Variants in CPNE9 observed in about 807,000 individuals in gnomAD.
The protein encoded by CPNE9 is copine-9.
CPNE9 carries 59 observed loss-of-function variants against 83.0 expected under a neutral mutation model. That is an observed-to-expected ratio of 0.71 (90% CI 0.58 to 0.88). CPNE9 has a LOEUF of 0.88. Among genes scored for constraint, CPNE9 ranks in the 40% least tolerant of loss-of-function variants. The probability of loss-of-function intolerance (pLI) is 0.00; values close to 1 mark genes in which losing one functional copy is unlikely to be tolerated. For missense variants in CPNE9, 619 were observed against 720.8 expected (o/e 0.86, Z 1.62); for synonymous variants, 256 against 273.4 (o/e 0.94, Z 0.63).
chr3:9,704,513 G>A lies in CPNE9; in HGVS notation c.69-74G>A, dbSNP rs2076540179. 2.3e-6 allele frequency: 3 copies of A among 1,320,716 alleles called. No individual in the cohort carries two copies. The highest frequency in any genetic ancestry group is 1.1e-6 in the Non-Finnish European group (1 of 912,264). The allele number at this position is 1,320,716 out of a possible 1,614,324, so 81.8% of individuals were successfully genotyped here. On this transcript the variant is annotated intron_variant, in intron 1 of 20. Transcript: ENST00000383832. This position sits in a 1 kb window ranked among gnomAD's most constrained non-coding sequence, Gnocchi z 7.1. ...TGCGGGCCCCATGCCTCTCCTCAGT[G>A]CCCGGCTCAGAGCCGACTCGAGGCG... is the stretch of plus-strand genomic sequence containing the variant.
At chr3:9,727,439 CA>C in intron 20 of CPNE9, 1 of 717,404 alleles carries the variant, frequency 1.4e-6, no homozygotes, top group Non-Finnish European at 2.6e-6. Flanking sequence ...AATAAATAAT[CA>C]CACAAAGAAA....
intron 17 of CPNE9, among the ~76,000 whole-genome samples, chr3:9,723,281 G>C (rs2076749713): frequency 2.6e-5 from 4 of 152,102 alleles, no homozygotes; most frequent in Admixed American, 1.3e-4. Flanking sequence ...AGACCAGCAT[G>C]GACAACATGG....
chr3:9,720,839 G>A (rs766133430), intron 17 of CPNE9, among the ~76,000 whole-genome samples: 17 of 152,124 alleles, frequency 1.1e-4, no homozygotes, highest in Non-Finnish European at 2.1e-4. Context: ...TGTGGTGTCC[G>A]GAGCCAGACT....
chr3:9,729,624 A>C lies in CPNE9; in HGVS notation c.1594A>C (p.Arg532=). The change falls in exon 21 of 21, where the codon AGA becomes CGA. Residue 532 remains arginine (R), a synonymous_variant. Transcript: ENST00000383832. The stretch of plus-strand genomic sequence containing the variant: ...GCAGCTGCTGTCCTATATGCGCACC[A>C]GAGACATCCAGCCTCGGCCCCCACC... ...PEQLLSYMRT[R]DIQPRPPPPA... is the part of the protein sequence containing the mutation. 6.2e-7 allele frequency: 1 copy of C among 1,614,086 alleles called. No individual in the cohort carries two copies. The highest frequency in any genetic ancestry group is 8.5e-7 in the Non-Finnish European group (1 of 1,180,014).
rs112456490 is a variant in CPNE9, at chr3:9,709,619, T to C, written c.378-2922T>C. On this transcript the variant is annotated intron_variant, in intron 7 of 20. Coordinates refer to ENST00000383832, the MANE Select transcript of CPNE9 (RefSeq NM_153635.3). Reference sequence around the variant, plus strand: ...GCCTTACCTCGTGATCCACCCACCTTGGCCTCCCAAAGTGCTGGGATTACA... The same window carrying C: ...GCCTTACCTCGTGATCCACCCACCTCGGCCTCCCAAAGTGCTGGGATTACA... Among the ~76,000 whole-genome samples the C allele has an allele frequency of 2.5e-4, 37 of 150,988 alleles. 1 individual carries two copies. Among genetic ancestry groups the C allele is most frequent in the Middle Eastern group, 3.4e-3 (1 of 294 alleles).
chr3:9,705,323 C>A, intron 4 of CPNE9, 141 bp from the exon 5 acceptor site: 1 of 704,270 alleles, frequency 1.4e-6, no homozygotes, highest in South Asian at 1.8e-5. Flanking sequence ...TGACTCCTCC[C>A]CAAAAGGAGA....
In CPNE9 at chr3:9,704,824, G is replaced by A; in HGVS notation, c.156+29G>A. The A allele has an allele frequency of 6.2e-7, 1 of 1,600,934 alleles. No homozygotes were observed. The highest frequency in any genetic ancestry group is 8.5e-7 in the Non-Finnish European group (1 of 1,173,972). ...AGTCCCAGAGCCCCCTCCCGGCCCA[G>A]GGCGTCGCCCGGGAATTCCCCTGCC... On this transcript the variant is annotated intron_variant, in intron 3 of 20. Coordinates refer to ENST00000383832, the MANE Select transcript of CPNE9 (RefSeq NM_153635.3). The surrounding 1 kb of genome is among the most constrained non-coding windows in gnomAD (Gnocchi z 7.1).
At chr3:9,720,362 G>A (rs564136980) in intron 17 of CPNE9, among the ~76,000 whole-genome samples, 4 of 152,006 alleles carry the variant, frequency 2.6e-5, no homozygotes, top group South Asian at 2.1e-4. Context: ...TTCCCCTAGC[G>A]AAGATTTGTT....
chr3:9,704,696 G>C lies in CPNE9; in HGVS notation c.110-53G>C. ...GCGACTCAGGGGCGGGTGGAGTCGG[G>C]GCCAGGGGTGGGAGCCGACCTGACG... is the stretch of plus-strand genomic sequence containing the variant. On this transcript the variant is annotated intron_variant, in intron 2 of 20. Coordinates refer to ENST00000383832, the MANE Select transcript of CPNE9 (RefSeq NM_153635.3). This position sits in a 1 kb window ranked among gnomAD's most constrained non-coding sequence, Gnocchi z 7.1. The C allele has an allele frequency of 6.2e-7, 1 of 1,610,484 alleles. No homozygotes were observed. The highest frequency in any genetic ancestry group is 8.5e-7 in the Non-Finnish European group (1 of 1,177,216).
intron 10 of CPNE9, 86 bp downstream of exon 10, chr3:9,713,165 T>G (rs2076646863): frequency 7.6e-6 from 8 of 1,049,042 alleles, no homozygotes; most frequent in Non-Finnish European, 1.1e-5. Flanking sequence ...AGAAGTATCA[T>G]AATAGCGTTG....
In CPNE9 at chr3:9,704,985, G is replaced by C; in HGVS notation, c.251G>C (p.Arg84Pro). Residue 84 changes from arginine (R) to proline (P), a missense_variant, in exon 4 of 21, where the codon CGC becomes CCC. Around this residue, in one of 3 missense-constraint regions of CPNE9, gnomAD observed 130 missense variants for 117.5 expected, o/e 1.11. Coordinates refer to ENST00000383832, the MANE Select transcript of CPNE9 (RefSeq NM_153635.3). This position sits in a 1 kb window ranked among gnomAD's most constrained non-coding sequence, Gnocchi z 7.1. ...DYFFEEKQNLRFDVYNVDSKT... is the reference protein window; with the variant it reads ...DYFFEEKQNLPFDVYNVDSKT... Reference sequence around the variant, plus strand: ...TTCTTTGAGGAAAAGCAAAATCTGCGCTTCGATGTGTGAGGCCCCGCCTGG... The same window carrying C: ...TTCTTTGAGGAAAAGCAAAATCTGCCCTTCGATGTGTGAGGCCCCGCCTGG... The C allele has an allele frequency of 6.2e-7, 1 of 1,609,498 alleles. No homozygotes were observed. Among genetic ancestry groups the C allele is most frequent in the Non-Finnish European group, 8.5e-7 (1 of 1,178,020 alleles).
rs111336803 is a variant in CPNE9 at position 9,716,474 on chromosome 3, A to ATT, written c.884+451_884+452dup. On this transcript the variant is annotated intron_variant, in intron 14 of 20. Transcript: ENST00000383832. ...CACTTTTCTCCTATGTAAAATGAGG[A>ATT]TTTTTTTTTTTTTGAGATGGCGTTT... Among the ~76,000 whole-genome samples the ATT allele has an allele frequency of 5.9e-4, 87 of 147,712 alleles. 1 individual carries two copies. Among genetic ancestry groups the ATT allele is most frequent in the Admixed American group, 8.1e-4 (12 of 14,832 alleles).
chr3:9,716,930 G>A (rs536114323), intron 14 of CPNE9, 128 bp from the exon 15 acceptor site: 5 of 968,376 alleles, frequency 5.2e-6, no homozygotes, highest in Non-Finnish European at 8.0e-6. Flanking sequence ...GCTCTACCCA[G>A]ACCATCTGGA....
rs529488036 is a variant in CPNE9, at chr3:9,704,221, G to A, written c.68+157G>A. 6.6e-6 allele frequency among the ~76,000 whole-genome samples: 1 copy of A among 152,348 alleles called. No homozygotes were observed. The highest frequency in any genetic ancestry group is 2.1e-4 in the South Asian group (1 of 4,824). ...CAGGGCGAGTAGCTGGTGGGATCGA[G>A]AAGCGGGGGGTCTTGGGCAGCCCCA... On this transcript the variant is annotated intron_variant, in intron 1 of 20. Transcript: ENST00000383832. This position sits in a 1 kb window ranked among gnomAD's most constrained non-coding sequence, Gnocchi z 7.1.
chr3:9,709,180 G>A (rs1328572878), intron 7 of CPNE9, among the ~76,000 whole-genome samples: 2 of 148,520 alleles, frequency 1.3e-5, no homozygotes, highest in Non-Finnish European at 3.0e-5. Flanking sequence ...GAAGGCTGAG[G>A]CAGTAAAATC....
rs995763914 is a variant in CPNE9 at position 9,705,057 on chromosome 3, G to C, written c.260+63G>C. 2.0e-5 allele frequency: 25 copies of C among 1,261,380 alleles called. No individual in the cohort carries two copies. The Admixed American group carries it at 4.7e-4, about 24-fold the overall frequency. 78.1% of individuals were successfully genotyped at this position (1,261,380 alleles called of 1,614,324 possible). On this transcript the variant is annotated intron_variant, in intron 4 of 20. Transcript: ENST00000383832. ...CGACCTGGATCCGCCCGGAATTCTG[G>C]CTGGCCCCACCCCCGCCTCGCCTCC...
intron 20 of CPNE9, chr3:9,727,548 G>A: frequency 1.6e-6 from 1 of 621,852 alleles, no homozygotes; most frequent in Non-Finnish European, 2.9e-6. Flanking sequence ...GTCAGGAAAG[G>A]GTTCTTTAGC....
At chr3:9,717,133 AG>A in intron 15 of CPNE9, 29 bp downstream of exon 15, 1 of 1,612,856 alleles carries the variant, frequency 6.2e-7, no homozygotes, top group Non-Finnish European at 8.5e-7. Context: ...AAAAAGTCGG[AG>A]GTGGGAAGGC....
Position 9,705,444 on chromosome 3 carries a change from C to CCCCCCT in CPNE9, c.261-20_261-19insCCCCCT, listed in dbSNP as rs2076553329. 6.6e-7 allele frequency: 1 copy of CCCCCCT among 1,514,180 alleles called. No individual in the cohort carries two copies. The allele number at this position is 1,514,180 out of a possible 1,614,324, so 93.8% of individuals were successfully genotyped here. A position where few individuals can be genotyped will look rare whatever the true frequency, so the allele number is the denominator to read the frequency against. On this transcript the variant is annotated intron_variant, in intron 4 of 20. Transcript: ENST00000383832. Reference sequence around the variant, plus strand: ...TCCCCCACCCAGCCCCACCCCACACCGGTTCCACTCTTTTCCCAGGTACAA... The same window carrying CCCCCCT: ...TCCCCCACCCAGCCCCACCCCACACCCCCCCTGGTTCCACTCTTTTCCCAGGTACAA...
Sources: allele counts gnomAD v4.1 joint callset (sites outside exome capture counted in the v4.1 genomes callset), GRCh38; gene constraint gnomAD v4.1.1; regional missense constraint gnomAD v4.1.1; non-coding constraint Gnocchi (gnomAD v3.1); transcripts MANE v1.5; gene names NCBI Gene and HGNC (gene_info 2026-07-23, HGNC 2026-07-21).